The following METTL2B variants were observed in gnomAD, a reference collection of about 807,000 sequenced individuals.
The protein encoded by METTL2B is tRNA N(3)-cytidine methyltransferase METTL2B.
In METTL2B, 28 loss-of-function variants were observed where a neutral mutation model predicts 51.0. The ratio of observed to expected loss-of-function variants is 0.55; its 90% CI spans 0.41 to 0.75. The LOEUF is 0.75. Among genes scored for constraint, METTL2B ranks in the 30% least tolerant of loss-of-function variants. The probability of loss-of-function intolerance (pLI) is 0.00; values close to 1 mark genes in which losing one functional copy is unlikely to be tolerated. For missense variants in METTL2B, 313 were observed against 460.7 expected (o/e 0.68, Z 2.93); for synonymous variants, 128 against 166.3 (o/e 0.77, Z 1.77).
intron 7 of METTL2B, among the ~76,000 whole-genome samples, chr7:128,499,735 G>A (rs1792995054): frequency 6.6e-6 from 1 of 150,828 alleles, no homozygotes; most frequent in African/African-American, 2.4e-5. Context: ...TGGTCAGGCT[G>A]GTCTCAAACT....
chr7:128,494,885 A>C (rs1433607186), intron 6 of METTL2B, among the ~76,000 whole-genome samples: 1 of 151,188 alleles, frequency 6.6e-6, no homozygotes, highest in Non-Finnish European at 1.5e-5. Context: ...TCAACCTCGC[A>C]AAATGCTGGG....
rs952959153 is a variant in METTL2B at position 128,501,799 on chromosome 7, A to G, written c.1020A>G (p.Glu340=). 6.2e-7 allele frequency: 1 copy of G among 1,614,092 alleles called. No individual in the cohort carries two copies. The highest frequency in any genetic ancestry group is 1.3e-5 in the African/African-American group (1 of 74,926). ...CGCTTTTCACCACTGCTGGACTGGAAAAAGTTCAGAATCTGGTGGACCGCC... is the reference window on the plus strand; with the variant it reads ...CGCTTTTCACCACTGCTGGACTGGAGAAAGTTCAGAATCTGGTGGACCGCC... The part of the protein sequence containing the change: ...LDTLFTTAGL[E]KVQNLVDRRL... Residue 340 remains glutamate (E), a synonymous_variant, in exon 9 of 9, where the codon GAA becomes GAG. Coordinates refer to ENST00000262432, the MANE Select transcript of METTL2B (RefSeq NM_018396.3).
chr7:128,477,830 C>T, intron 2 of METTL2B: 2 of 332,842 alleles, frequency 6.0e-6, no homozygotes, highest in South Asian at 2.2e-5. Flanking sequence ...TTCTGTACAA[C>T]AAAAAGGTTC....
In METTL2B at chr7:128,504,394, C is replaced by T. The variant is rs567367898; in HGVS notation, c.*2478C>T. On this transcript the variant is annotated 3_prime_UTR_variant, in exon 9 of 9. Coordinates refer to ENST00000262432, the MANE Select transcript of METTL2B (RefSeq NM_018396.3). ...TGAGATGGAGTTTCGCTCTTGTTGCCCAGGCTGGAGTACAATGGCACGATC... is the reference window on the plus strand; with the variant it reads ...TGAGATGGAGTTTCGCTCTTGTTGCTCAGGCTGGAGTACAATGGCACGATC... 7.3e-6 allele frequency: 1 copy of T among 136,978 alleles called. No individual in the cohort carries two copies. The highest frequency in any genetic ancestry group is 2.8e-5 in the African/African-American group (1 of 36,034). 8.5% of individuals were successfully genotyped at this position (136,978 alleles called of 1,614,324 possible).
At chr7:128,500,841 T>C (rs1793015405) in intron 7 of METTL2B, 62 bp from the exon 8 acceptor site, 1 of 1,598,360 alleles carries the variant, frequency 6.3e-7, no homozygotes, top group South Asian at 1.1e-5. Flanking sequence ...TAACATTCCT[T>C]AGCAGTGCAA....
At chr7:128,499,422 G>A (rs1420163346) in intron 7 of METTL2B, among the ~76,000 whole-genome samples, 2 of 151,874 alleles carry the variant, frequency 1.3e-5, no homozygotes, top group African/African-American at 2.4e-5. Context: ...GCGCGATCTC[G>A]GCTCACTGCA....
chr7:128,498,353 G>A (rs531269567), intron 7 of METTL2B, among the ~76,000 whole-genome samples: 16 of 147,082 alleles, frequency 1.1e-4, no homozygotes, highest in Non-Finnish European at 1.8e-4. Context: ...GAGGTGGGGG[G>A]GCTGGGAGAG....
chr7:128,480,562 G>A (rs1799860746), intron 3 of METTL2B, 85 bp from the exon 4 acceptor site: 6 of 1,602,186 alleles, frequency 3.7e-6, no homozygotes, highest in Non-Finnish European at 5.1e-6. Flanking sequence ...CCAGATTCTT[G>A]TTGATTATTA....
At chr7:128,490,992 C>T (rs1792818257) in intron 5 of METTL2B, among the ~76,000 whole-genome samples, 1 of 151,666 alleles carries the variant, frequency 6.6e-6, no homozygotes, top group Admixed American at 6.6e-5. Context: ...GAAACCCCGT[C>T]TCTACTAAAA....
At chr7:128,480,497 A>G (rs1378295093) in intron 3 of METTL2B, 150 bp from the exon 4 acceptor site, 5 of 1,337,236 alleles carry the variant, frequency 3.7e-6, no homozygotes, top group Non-Finnish European at 4.9e-6. Context: ...AAAATCAACA[A>G]ATGTCATGGG....
At chr7:128,477,397 T>C (rs551454490) in intron 2 of METTL2B, among the ~76,000 whole-genome samples, 157 of 152,236 alleles carry the variant, frequency 1.0e-3, no homozygotes, top group African/African-American at 3.4e-3. Flanking sequence ...AGTTTTACTT[T>C]GGAGGAGGGT....
At chr7:128,487,678 C>T (rs1404231220) in intron 4 of METTL2B, among the ~76,000 whole-genome samples, 5 of 152,126 alleles carry the variant, frequency 3.3e-5, no homozygotes, top group Non-Finnish European at 5.9e-5. Context: ...AAGATGTAAT[C>T]GCCGCTGTGA....
intron 5 of METTL2B, 71 bp downstream of exon 5, chr7:128,488,232 AG>A (rs140236081): frequency 0.2 from 300,777 of 1,508,156 alleles, 32,376 homozygotes; most frequent in South Asian, 0.27. Context: ...CTAAAAATCA[AG>A]GTCTCTGGCT....
Position 128,502,045 on chromosome 7 carries a change from C to T in METTL2B, c.*129C>T. The T allele has an allele frequency of 7.2e-7, 1 of 1,391,914 alleles. No homozygotes were observed. Among genetic ancestry groups the T allele is most frequent in the South Asian group, 1.5e-5 (1 of 68,226 alleles). 86.2% of individuals were successfully genotyped at this position (1,391,914 alleles called of 1,614,324 possible). ...TCAGGAGGCTGAGGCAGGGAGGATC[C>T]ATTGAGCCCAGGAGTCCAGCCTGGG... On this transcript the variant is annotated 3_prime_UTR_variant, in exon 9 of 9. Transcript: ENST00000262432.
intron 2 of METTL2B, among the ~76,000 whole-genome samples, chr7:128,478,354 G>A (rs1294242184): frequency 6.6e-6 from 1 of 151,242 alleles, no homozygotes; most frequent in Non-Finnish European, 1.5e-5. Flanking sequence ...TGGTTGAAGC[G>A]ATTCCCCTGC....
At chr7:128,485,665 CAAA>C (rs397756088) in intron 4 of METTL2B, among the ~76,000 whole-genome samples, 3 of 130,562 alleles carry the variant, frequency 2.3e-5, no homozygotes, top group African/African-American at 5.8e-5. Context: ...GACTCCGTCT[CAAA>C]AAAAAAAAAA....
chr7:128,501,583 G>A (rs1793030676), intron 8 of METTL2B, 179 bp from the exon 9 acceptor site: 1 of 985,178 alleles, frequency 1.0e-6, no homozygotes, highest in African/African-American at 1.7e-5. Context: ...TATACACAGT[G>A]GCTTCCCCTA....
chr7:128,484,217 C>CTTTTTTTTTTTTGTTTTGTTTTTTTT (rs1428525341), intron 4 of METTL2B: 1 of 42,412 alleles, frequency 2.4e-5, no homozygotes, highest in African/African-American at 1.0e-4. Flanking sequence ...TGCCTAGATC[C>CTTTTTTTTTTTTGTTTTGTTTTTTTT]TTTTTTTTTT....
At chr7:128,488,404 A>G (rs3993570) in intron 5 of METTL2B, 2 of 661,744 alleles carry the variant, frequency 3.0e-6, no homozygotes, top group Admixed American at 2.1e-5. Flanking sequence ...CAAGCCTACC[A>G]GTGCCGTTTC....
Sources: allele counts gnomAD v4.1 joint callset (sites outside exome capture counted in the v4.1 genomes callset), GRCh38; gene constraint gnomAD v4.1.1; transcripts MANE v1.5; gene names NCBI Gene and HGNC (gene_info 2026-07-23, HGNC 2026-07-21).